The following CACNG2 variants were observed in gnomAD, a reference collection of about 807,000 sequenced individuals.
The protein encoded by CACNG2 is calcium voltage-gated channel auxiliary subunit gamma 2.
A neutral mutation model predicts 25.9 loss-of-function variants in CACNG2; 3 were observed. The observed-to-expected ratio is 0.12, with a 90% CI of 0.05 to 0.30. CACNG2 has a LOEUF of 0.30. Among genes scored for constraint, CACNG2 ranks in the 10% least tolerant of loss-of-function variants. CACNG2 has a pLI of 1.00. For synonymous variants in CACNG2, 167 were observed against 173.3 expected, an observed-to-expected ratio of 0.96 and a Z score of 0.29; for missense variants, 341 against 432.5, an observed-to-expected ratio of 0.79 and a Z score of 1.88.
At chr22:36,656,219 A>C (rs1024853620) in intron 1 of CACNG2, among the ~76,000 whole-genome samples, 1 of 152,144 alleles carries the variant, frequency 6.6e-6, no homozygotes, top group African/African-American at 2.4e-5. Context: ...ATTTCTAGAA[A>C]CTGATTTAAG....
At chr22:36,665,052 G>A (rs1053989200) in intron 1 of CACNG2, among the ~76,000 whole-genome samples, 7 of 152,184 alleles carry the variant, frequency 4.6e-5, no homozygotes, top group African/African-American at 2.4e-5. Context: ...CTGACAGGGA[G>A]AGGCTTGTTA....
In CACNG2 at chr22:36,696,679, G is replaced by A. The variant is rs899034633; in HGVS notation, c.211+5687C>T. ...ATATAATGAGTGGAGGACAGAGCGTGCTACAAGGTGGTAAGTACTCTGTAA... is the reference window on the plus strand; with the variant it reads ...ATATAATGAGTGGAGGACAGAGCGTACTACAAGGTGGTAAGTACTCTGTAA... On this transcript the variant is annotated intron_variant, in intron 1 of 3. Coordinates refer to ENST00000300105, the MANE Select transcript of CACNG2 (RefSeq NM_006078.5). 6.6e-5 allele frequency among the ~76,000 whole-genome samples: 10 copies of A among 152,302 alleles called. 1 individual carries two copies. In the South Asian group the frequency reaches 1.0e-3, roughly 16 times the overall value.
chr22:36,685,712 T>C (rs973795180), intron 1 of CACNG2, among the ~76,000 whole-genome samples: 1 of 152,262 alleles, frequency 6.6e-6, no homozygotes, highest in Non-Finnish European at 1.5e-5. Flanking sequence ...GATTCCGCTG[T>C]TCCGGGACCA....
chr22:36,659,751 G>A (rs1936761455), intron 1 of CACNG2, among the ~76,000 whole-genome samples: 1 of 152,100 alleles, frequency 6.6e-6, no homozygotes, highest in South Asian at 2.1e-4. Flanking sequence ...AAAGACCTGT[G>A]TTCAAATGCC....
At chr22:36,694,695 C>T (rs1251140344) in intron 1 of CACNG2, among the ~76,000 whole-genome samples, 1 of 152,140 alleles carries the variant, frequency 6.6e-6, no homozygotes, top group Non-Finnish European at 1.5e-5. Flanking sequence ...TTAGGGTCCC[C>T]TGCTAGGACT....
chr22:36,679,017 C>G (rs1327117768), intron 1 of CACNG2, among the ~76,000 whole-genome samples: 4 of 152,208 alleles, frequency 2.6e-5, no homozygotes, highest in Non-Finnish European at 4.4e-5. Flanking sequence ...ACTGCAGCCC[C>G]TGGCATGGCC....
intron 1 of CACNG2, among the ~76,000 whole-genome samples, chr22:36,638,411 G>T (rs1292158873): frequency 6.6e-6 from 1 of 152,178 alleles, no homozygotes. Context: ...ACCTCTGTCT[G>T]CTTCCATTGC....
chr22:36,576,924 C>A (rs770518131), intron 2 of CACNG2, among the ~76,000 whole-genome samples: 1 of 152,128 alleles, frequency 6.6e-6, no homozygotes, highest in Admixed American at 6.6e-5. Context: ...ACATGAAAAG[C>A]ATTTTGAGAG....
intron 1 of CACNG2, among the ~76,000 whole-genome samples, chr22:36,680,875 TCAC>T (rs796940064): frequency 2.9e-5 from 4 of 139,654 alleles, no homozygotes; most frequent in Admixed American, 7.1e-5. Context: ...ACCATCACTA[TCAC>T]CACCACCACC....
At chr22:36,664,817 C>A (rs1219195997) in intron 1 of CACNG2, among the ~76,000 whole-genome samples, 1 of 152,152 alleles carries the variant, frequency 6.6e-6, no homozygotes, top group Non-Finnish European at 1.5e-5. Flanking sequence ...AACAAGGAAG[C>A]AAAATTAAGA....
In CACNG2 at chr22:36,587,507, C is replaced by T. The variant is rs1186080531; in HGVS notation, c.253G>A (p.Glu85Lys). 6.2e-7 allele frequency: 1 copy of T among 1,613,902 alleles called. No homozygotes were observed. The highest frequency in any genetic ancestry group is 1.7e-5 in the Admixed American group (1 of 60,028). ...GLCKQIDHFP[E>K]DADYEADTAE... Reference sequence around the variant, plus strand: ...GTGTCAGCTTCGTAATCTGCATCCTCTGGGAAGTGATCAATTTGCTTGCAC... The same window carrying T: ...GTGTCAGCTTCGTAATCTGCATCCTTTGGGAAGTGATCAATTTGCTTGCAC... Residue 85 changes from glutamate (E) to lysine (K), a missense_variant, in exon 2 of 4, where the codon GAG (glutamate) becomes AAG (lysine). This residue lies in a region of CACNG2 where 169 missense variants were observed against 254.4 expected (regional missense o/e 0.66). Coordinates refer to ENST00000300105, the MANE Select transcript of CACNG2 (RefSeq NM_006078.5).
chr22:36,574,519 G>A (rs1193504108), intron 2 of CACNG2, among the ~76,000 whole-genome samples: 1 of 152,156 alleles, frequency 6.6e-6, no homozygotes, highest in Non-Finnish European at 1.5e-5. Flanking sequence ...GGTGGCTCAC[G>A]CCTGTAATCC....
chr22:36,695,547 A>T (rs1436944431), intron 1 of CACNG2, among the ~76,000 whole-genome samples: 1 of 129,982 alleles, frequency 7.7e-6, no homozygotes, highest in African/African-American at 3.0e-5. Flanking sequence ...TACTTGTCTC[A>T]TTCCTTCCTT....
At chr22:36,677,208 G>A (rs1937032231) in intron 1 of CACNG2, among the ~76,000 whole-genome samples, 1 of 152,100 alleles carries the variant, frequency 6.6e-6, no homozygotes, top group South Asian at 2.1e-4. Context: ...TCCTGAAGAA[G>A]GCTTTCAGAA....
chr22:36,600,584 T>C (rs1897247075), intron 1 of CACNG2, among the ~76,000 whole-genome samples: 1 of 151,990 alleles, frequency 6.6e-6, no homozygotes. Context: ...TCTTGCTCTG[T>C]TGCCAAGGCT....
chr22:36,649,276 A>G (rs536827297), intron 1 of CACNG2, among the ~76,000 whole-genome samples: 12 of 152,252 alleles, frequency 7.9e-5, no homozygotes, highest in African/African-American at 2.9e-4. Context: ...TTTCCAGCAA[A>G]TCCTGACAGC....
chr22:36,680,884 C>G (rs1024629916), intron 1 of CACNG2, among the ~76,000 whole-genome samples: 29 of 151,432 alleles, frequency 1.9e-4, no homozygotes, highest in Non-Finnish European at 7.4e-5. Flanking sequence ...ATCACCACCA[C>G]CACCATCACC....
At chr22:36,597,769 C>G (rs1402802912) in intron 1 of CACNG2, among the ~76,000 whole-genome samples, 5 of 152,196 alleles carry the variant, frequency 3.3e-5, no homozygotes, top group Non-Finnish European at 7.3e-5. Flanking sequence ...TTCGGTGACT[C>G]TCAGTGGCCT....
chr22:36,658,395 C>T (rs144558278), intron 1 of CACNG2, among the ~76,000 whole-genome samples: 112 of 152,310 alleles, frequency 7.4e-4, no homozygotes, highest in African/African-American at 2.6e-3. Flanking sequence ...GGCCATGGGG[C>T]CTGGGAGAGG....
Sources: allele counts gnomAD v4.1 joint callset (sites outside exome capture counted in the v4.1 genomes callset), GRCh38; gene constraint gnomAD v4.1.1; regional missense constraint gnomAD v4.1.1; transcripts MANE v1.5; gene names NCBI Gene and HGNC (gene_info 2026-07-23, HGNC 2026-07-21).